The following ZMIZ1 variants were observed in gnomAD, a reference collection of about 807,000 sequenced individuals.
ZMIZ1 encodes zinc finger MIZ-type containing 1, also known as zinc finger MIZ domain-containing protein 1.
A neutral mutation model predicts 113.9 loss-of-function variants in ZMIZ1; 17 were observed. The ratio of observed to expected loss-of-function variants is 0.15; its 90% CI spans 0.10 to 0.22. ZMIZ1 has a LOEUF of 0.22. Ranked by LOEUF, ZMIZ1 falls within the 10% of genes least tolerant of loss-of-function variation. The pLI, the probability that ZMIZ1 is intolerant of heterozygous loss-of-function variation, is 1.00. For synonymous variants in ZMIZ1, 607 were observed against 603.1 expected, an observed-to-expected ratio of 1.01 and a Z score of -0.09; for missense variants, 1,059 against 1,477.8, an observed-to-expected ratio of 0.72 and a Z score of 4.65.
chr10:79,069,605 C>T lies in ZMIZ1; in HGVS notation c.-337+335C>T, dbSNP rs555734911. On this transcript the variant is annotated intron_variant, in intron 1 of 24. Coordinates refer to ENST00000334512, the MANE Select transcript of ZMIZ1 (RefSeq NM_020338.4). The surrounding 1 kb of genome is among the most constrained non-coding windows in gnomAD (Gnocchi z 4.6). The stretch of plus-strand genomic sequence containing the variant: ...CCGGCGCGCCTCCAGCCCTCGCTCC[C>T]TACACCCGGGGGCCGGGCAGGACCG... 7.2e-5 allele frequency among the ~76,000 whole-genome samples: 11 copies of T among 152,028 alleles called. No homozygotes were observed. The East Asian group carries it at 2.1e-3, about 30-fold the overall frequency.
chr10:79,227,873 TC>T (rs1365833061), intron 7 of ZMIZ1, among the ~76,000 whole-genome samples: 1 of 151,834 alleles, frequency 6.6e-6, no homozygotes, highest in Non-Finnish European at 1.5e-5. Context: ...TAAGAATGCA[TC>T]CCCCCTTTCC....
At chr10:79,099,998 A>G (rs56038371) in intron 1 of ZMIZ1, among the ~76,000 whole-genome samples, 24,225 of 151,998 alleles carry the variant, frequency 0.16, 2,080 homozygotes, top group Admixed American at 0.21. Flanking sequence ...GCAGGTCCTC[A>G]TGCCCACCTG....
chr10:79,189,206 G>T (rs1400235773), intron 4 of ZMIZ1, among the ~76,000 whole-genome samples: 3 of 152,166 alleles, frequency 2.0e-5, no homozygotes, highest in Non-Finnish European at 2.9e-5. Flanking sequence ...CCTCAACCTG[G>T]CATTCTGGCC....
In ZMIZ1 at chr10:79,262,641, C is replaced by A. The variant is rs73304133; in HGVS notation, c.281-14540C>A. Among the ~76,000 whole-genome samples the A allele has an allele frequency of 1.9e-3, 283 of 152,358 alleles. 4 individuals are homozygous for A. The highest frequency in any genetic ancestry group is 6.5e-3 in the African/African-American group (269 of 41,574). ...GAGAAATTCTCTCATTTCCTCCCTC[C>A]CCTCAGTGTTCTATAAATTCAGTCC... On this transcript the variant is annotated intron_variant, in intron 7 of 24. Transcript: ENST00000334512.
At chr10:79,075,493 C>A (rs142246085) in intron 1 of ZMIZ1, among the ~76,000 whole-genome samples, 29 of 152,324 alleles carry the variant, frequency 1.9e-4, no homozygotes, top group African/African-American at 7.0e-4. Flanking sequence ...CAAGCTTGTT[C>A]CCCAGTTGGC....
chr10:79,251,104 C>T (rs1348392496), intron 7 of ZMIZ1, among the ~76,000 whole-genome samples: 1 of 152,086 alleles, frequency 6.6e-6, no homozygotes, highest in African/African-American at 2.4e-5. Context: ...TGGGGGTTTC[C>T]AGGTGGGGAT....
intron 1 of ZMIZ1, among the ~76,000 whole-genome samples, chr10:79,109,919 G>A (rs1460581994): frequency 6.6e-6 from 1 of 152,244 alleles, no homozygotes; most frequent in East Asian, 1.9e-4. Context: ...CTGTAAGATG[G>A]CAATAATGAC....
chr10:79,191,577 C>T (rs1177658969), intron 4 of ZMIZ1, among the ~76,000 whole-genome samples: 2 of 152,214 alleles, frequency 1.3e-5, no homozygotes, highest in East Asian at 3.8e-4. Flanking sequence ...GGGCCCAGCA[C>T]TGGACGGGCC....
intron 7 of ZMIZ1, among the ~76,000 whole-genome samples, chr10:79,225,788 A>G (rs1849175707): frequency 6.6e-6 from 1 of 152,074 alleles, no homozygotes; most frequent in Non-Finnish European, 1.5e-5. Context: ...AGGGTGCCCT[A>G]GTTAAGAAGT....
Position 79,094,590 on chromosome 10 carries a change from G to A in ZMIZ1, c.-336-24325G>A, listed in dbSNP as rs531374804. 4.8e-4 allele frequency among the ~76,000 whole-genome samples: 73 copies of A among 152,166 alleles called. 1 individual carries two copies. Among genetic ancestry groups the A allele is most frequent in the African/African-American group, 1.7e-3 (69 of 41,526 alleles). ...TGTCCGTTGTCCCTGCCCTGCTGTGGGATGACAGAGTGATTTTGGACAAGA... is the reference window on the plus strand; with the variant it reads ...TGTCCGTTGTCCCTGCCCTGCTGTGAGATGACAGAGTGATTTTGGACAAGA... On this transcript the variant is annotated intron_variant, in intron 1 of 24. Transcript: ENST00000334512.
chr10:79,313,643 A>G lies in ZMIZ1; in HGVS notation c.*894A>G. 4.1e-6 allele frequency: 1 copy of G among 243,602 alleles called. No individual in the cohort carries two copies. Among genetic ancestry groups the G allele is most frequent in the South Asian group, 5.0e-5 (1 of 20,016 alleles). The allele number at this position is 243,602 out of a possible 1,614,324, so 15.1% of individuals were successfully genotyped here. A position where few individuals can be genotyped will look rare whatever the true frequency, so the allele number is the denominator to read the frequency against. Reference sequence around the variant, plus strand: ...GAAGCAAACAGGAGCGGCAACTTCTAACTTTGCTCCAAGCCACTCTCTTTT... The same window carrying G: ...GAAGCAAACAGGAGCGGCAACTTCTGACTTTGCTCCAAGCCACTCTCTTTT... On this transcript the variant is annotated 3_prime_UTR_variant, in exon 25 of 25. Coordinates refer to ENST00000334512, the MANE Select transcript of ZMIZ1 (RefSeq NM_020338.4).
intron 2 of ZMIZ1, among the ~76,000 whole-genome samples, chr10:79,130,495 A>G (rs1564668649): frequency 6.6e-6 from 1 of 151,604 alleles, no homozygotes; most frequent in Admixed American, 6.6e-5. Flanking sequence ...CCCTTCTCAG[A>G]CTCCCCCTTG....
intron 3 of ZMIZ1, among the ~76,000 whole-genome samples, chr10:79,153,461 C>T (rs1019037763): frequency 6.6e-6 from 1 of 152,246 alleles, no homozygotes; most frequent in Admixed American, 6.5e-5. Flanking sequence ...TGGGGAAAGT[C>T]GAGCTTCCCT....
At chr10:79,288,753 A>G (rs1223272118) in intron 8 of ZMIZ1, among the ~76,000 whole-genome samples, 1 of 152,000 alleles carries the variant, frequency 6.6e-6, no homozygotes, top group Non-Finnish European at 1.5e-5. Flanking sequence ...CTTCGCTGGG[A>G]TCTGCTGGCC....
intron 1 of ZMIZ1, among the ~76,000 whole-genome samples, chr10:79,088,566 C>T (rs1427949582): frequency 6.6e-6 from 1 of 152,184 alleles, no homozygotes; most frequent in Non-Finnish European, 1.5e-5. Context: ...GAGAGGGACA[C>T]ATGGGAACCT....
intron 2 of ZMIZ1, among the ~76,000 whole-genome samples, chr10:79,125,355 G>A: frequency 6.6e-6 from 1 of 152,244 alleles, no homozygotes; most frequent in East Asian, 1.9e-4. Flanking sequence ...GGTGGGTACA[G>A]AGGCTAGAGC....
intron 1 of ZMIZ1, among the ~76,000 whole-genome samples, chr10:79,105,190 A>C (rs910043862): frequency 2.6e-5 from 4 of 152,228 alleles, no homozygotes; most frequent in African/African-American, 9.6e-5. Flanking sequence ...CTTAAATCAC[A>C]GCTGTTAACC....
intron 23 of ZMIZ1, 67 bp from the exon 24 acceptor site, chr10:79,310,857 C>G: frequency 1.3e-6 from 2 of 1,523,118 alleles, no homozygotes; most frequent in Non-Finnish European, 1.8e-6. Context: ...GTTTCATTTT[C>G]TCCAGGCATC....
At chr10:79,277,347 G>A in intron 8 of ZMIZ1, 22 bp downstream of exon 8, 3 of 1,574,624 alleles carry the variant, frequency 1.9e-6, no homozygotes, top group Non-Finnish European at 2.6e-6. Context: ...GGTGCCATGG[G>A]TGCAGGTACT....
Sources: gnomAD v4.1 joint callset for allele counts (sites outside exome capture counted in the v4.1 genomes callset) on GRCh38, gnomAD v4.1.1 for gene constraint, Gnocchi (gnomAD v3.1) non-coding constraint, MANE v1.5 for transcripts, NCBI Gene and HGNC (gene_info 2026-07-23, HGNC 2026-07-21) for gene names.